Variants in DGKB observed in about 807,000 individuals in gnomAD.
DGKB encodes the protein 90 kDa diacylglycerol kinase.
Under a neutral mutation model 114.3 loss-of-function variants are expected in DGKB, and 67 were observed. The ratio of observed to expected loss-of-function variants is 0.59; its 90% CI spans 0.48 to 0.72. The LOEUF is 0.72. Among genes scored for constraint, DGKB ranks in the 30% least tolerant of loss-of-function variants. DGKB has a pLI of 0.00. For synonymous variants in DGKB, 398 were observed against 323.1 expected (o/e 1.23, Z -2.49); for missense variants, 907 against 975.2 (o/e 0.93, Z 0.93).
At chr7:14,397,905 A>G (rs147792759) in intron 21 of DGKB, among the ~76,000 whole-genome samples, 140 of 152,232 alleles carry the variant, frequency 9.2e-4, no homozygotes, top group Middle Eastern at 6.8e-3. Context: ...TTTTCAAGGA[A>G]CTGGGAGTCT....
Position 14,744,528 on chromosome 7 carries a change from T to A in DGKB, c.169-8334A>T, listed in dbSNP as rs374992408. ...TCTAGGAACCTCAAGAAGAGAGGAA[T>A]TCACCCAATTCATAGGTATTTGAGG... On this transcript the variant is annotated intron_variant, in intron 4 of 25. Transcript: ENST00000402815. Among the ~76,000 whole-genome samples, 7 of 152,272 alleles carry A rather than the reference T, an allele frequency of 4.6e-5. No individual in the cohort carries two copies. The East Asian group carries it at 1.4e-3, about 29-fold the overall frequency.
intron 13 of DGKB, among the ~76,000 whole-genome samples, chr7:14,664,599 C>T (rs1817700109): frequency 6.6e-6 from 1 of 152,006 alleles, no homozygotes; most frequent in African/African-American, 2.4e-5. Context: ...ACTATGTACT[C>T]TCTTGTCACT....
chr7:14,689,487 A>G (rs966409078), intron 9 of DGKB, among the ~76,000 whole-genome samples: 4 of 152,134 alleles, frequency 2.6e-5, no homozygotes, highest in African/African-American at 7.2e-5. Flanking sequence ...TCTCTTTTAG[A>G]CAAAAAGATG....
chr7:14,167,742 CA>C (rs1174635755), intron 25 of DGKB, among the ~76,000 whole-genome samples: 12 of 152,140 alleles, frequency 7.9e-5, no homozygotes, highest in African/African-American at 2.9e-4. Context: ...ACCAAACAAA[CA>C]TACTGGAACC....
chr7:14,553,105 T>G (rs145732824), intron 20 of DGKB, among the ~76,000 whole-genome samples: 4 of 152,212 alleles, frequency 2.6e-5, no homozygotes, highest in African/African-American at 9.6e-5. Flanking sequence ...CACGGTCAGC[T>G]CAAGCAGCTC....
chr7:14,618,860 G>A (rs934243626), intron 15 of DGKB, among the ~76,000 whole-genome samples: 8 of 150,974 alleles, frequency 5.3e-5, no homozygotes, highest in Admixed American at 4.0e-4. Flanking sequence ...AAACTGGGCT[G>A]CAACTCAATG....
intron 23 of DGKB, among the ~76,000 whole-genome samples, chr7:14,273,212 G>C (rs907712516): frequency 1.3e-5 from 2 of 152,102 alleles, no homozygotes; most frequent in African/African-American, 2.4e-5. Flanking sequence ...TGGGCATGGT[G>C]GGGCAATCCC....
chr7:14,649,645 C>A (rs1399886760), intron 13 of DGKB, among the ~76,000 whole-genome samples: 14 of 149,356 alleles, frequency 9.4e-5, no homozygotes, highest in Non-Finnish European at 1.2e-4. Flanking sequence ...ACACATAACA[C>A]TATTAACTTT....
chr7:14,283,270 T>C (rs4323381), intron 23 of DGKB, among the ~76,000 whole-genome samples: 17,477 of 149,790 alleles, frequency 0.12, 3,019 homozygotes, highest in African/African-American at 0.38. Flanking sequence ...ACAATTGCTT[T>C]AAAGAGAATA....
At chr7:14,639,005 T>G (rs948060091) in intron 13 of DGKB, among the ~76,000 whole-genome samples, 1 of 152,102 alleles carries the variant, frequency 6.6e-6, no homozygotes, top group African/African-American at 2.4e-5. Flanking sequence ...GCCACTGCAC[T>G]GCAGCCTGGG....
chr7:14,634,145 A>T (rs941989464), intron 13 of DGKB, among the ~76,000 whole-genome samples: 1 of 150,926 alleles, frequency 6.6e-6, no homozygotes, highest in Non-Finnish European at 1.5e-5. Context: ...GAACATTTAT[A>T]TTTTTATATA....
intron 21 of DGKB, among the ~76,000 whole-genome samples, chr7:14,475,334 G>A (rs1192196925): frequency 6.6e-6 from 1 of 152,110 alleles, no homozygotes; most frequent in Non-Finnish European, 1.5e-5. Context: ...GTATGAAATT[G>A]CTTGGGTACA....
At chr7:14,513,258 G>A (rs1300301123) in intron 20 of DGKB, among the ~76,000 whole-genome samples, 1 of 151,988 alleles carries the variant, frequency 6.6e-6, no homozygotes, top group Non-Finnish European at 1.5e-5. Flanking sequence ...ATATTCAGGT[G>A]TATTACATAT....
chr7:14,846,179 T>C (rs1373575969), intron 1 of DGKB, among the ~76,000 whole-genome samples: 1 of 152,192 alleles, frequency 6.6e-6, no homozygotes, highest in East Asian at 1.9e-4. Context: ...AAAATAATGG[T>C]ATCTCTGAGT....
intron 23 of DGKB, among the ~76,000 whole-genome samples, chr7:14,247,989 G>A (rs1794722044): frequency 6.6e-6 from 1 of 151,878 alleles, no homozygotes; most frequent in African/African-American, 2.4e-5. Context: ...AAGGTTTTAT[G>A]TTTAAAATTT....
chr7:14,246,618 T>A (rs367746028), intron 23 of DGKB, among the ~76,000 whole-genome samples: 3 of 152,194 alleles, frequency 2.0e-5, no homozygotes, highest in African/African-American at 7.2e-5. Flanking sequence ...GCTAAGAAAC[T>A]TTGGGTAACT....
At chr7:14,482,343 T>A (rs957953990) in intron 20 of DGKB, among the ~76,000 whole-genome samples, 3 of 152,060 alleles carry the variant, frequency 2.0e-5, no homozygotes, top group Non-Finnish European at 4.4e-5. Context: ...TGCATAATCT[T>A]TAAGATGAAG....
rs766143010 is a variant in DGKB, at chr7:14,176,887, A to C, written c.2256T>G (p.Ser752=). ...CSCVVIRTSK[S]LPMQIDGEPW... ...GCTCCCCATCAATTTGCATTGGCAG[A>C]GACTTGCTCGTCCTGGGGGAAAATA... Residue 752 remains serine, a synonymous_variant, in exon 25 of 26, where the codon TCT becomes TCG. Coordinates refer to ENST00000402815, the MANE Select transcript of DGKB (RefSeq NM_001350709.2). 1.9e-6 allele frequency: 3 copies of C among 1,613,670 alleles called. No homozygotes were observed. In the South Asian group the frequency reaches 3.3e-5, roughly 18 times the overall value.
intron 1 of DGKB, among the ~76,000 whole-genome samples, chr7:14,880,738 C>T (rs1477475520): frequency 2.0e-5 from 3 of 152,158 alleles, no homozygotes; most frequent in African/African-American, 7.2e-5. Context: ...TCAAAACTAA[C>T]GACGTCTCTA....
Sources: gnomAD v4.1 joint callset for allele counts (sites outside exome capture counted in the v4.1 genomes callset) on GRCh38, gnomAD v4.1.1 for gene constraint, MANE v1.5 for transcripts, NCBI Gene and HGNC (gene_info 2026-07-23, HGNC 2026-07-21) for gene names.